ZFPM2: variants seen among roughly 807,000 people sequenced by gnomAD.
ZFPM2 encodes the protein zinc finger protein, FOG family member 2, also known as zinc finger protein ZFPM2.
In ZFPM2, 20 loss-of-function variants were observed where a neutral mutation model predicts 98.6. That is an observed-to-expected ratio of 0.20 (90% CI 0.14 to 0.29). ZFPM2 has a LOEUF of 0.29. Among genes scored for constraint, ZFPM2 ranks in the 10% least tolerant of loss-of-function variants. ZFPM2 has a pLI of 1.00. For synonymous variants in ZFPM2, 518 were observed against 502.7 expected (o/e 1.03, Z -0.41); for missense variants, 1,310 against 1,388.6 (o/e 0.94, Z 0.90).
intron 4 of ZFPM2, among the ~76,000 whole-genome samples, 194 bp from the exon 5 acceptor site, chr8:105,634,052 C>G (rs1223802649): frequency 6.6e-6 from 1 of 151,692 alleles, no homozygotes; most frequent in Non-Finnish European, 1.5e-5. Context: ...TTCTACCATT[C>G]AGATTAGTGA....
At chr8:105,379,661 G>C (rs1471934924) in intron 1 of ZFPM2, among the ~76,000 whole-genome samples, 1 of 151,278 alleles carries the variant, frequency 6.6e-6, no homozygotes, top group African/African-American at 2.4e-5. Context: ...GCTGAGGCGA[G>C]AGAATTACTT....
At chr8:105,332,983 A>G (rs1481421241) in intron 1 of ZFPM2, among the ~76,000 whole-genome samples, 2 of 151,740 alleles carry the variant, frequency 1.3e-5, no homozygotes, top group African/African-American at 4.8e-5. Flanking sequence ...CTCATCCTTT[A>G]GGTAATTGAT....
chr8:105,715,080 G>A (rs755757245), intron 5 of ZFPM2, among the ~76,000 whole-genome samples: 12 of 151,982 alleles, frequency 7.9e-5, no homozygotes, highest in African/African-American at 1.9e-4. Context: ...TTTCTCAGTT[G>A]CAACCGTAGA....
At chr8:105,680,513 A>G (rs2130920087) in intron 5 of ZFPM2, among the ~76,000 whole-genome samples, 1 of 152,260 alleles carries the variant, frequency 6.6e-6, no homozygotes, top group African/African-American at 2.4e-5. Context: ...CTTCCTAATT[A>G]TGTATGTCAT....
intron 3 of ZFPM2, among the ~76,000 whole-genome samples, chr8:105,466,755 A>G (rs1318358759): frequency 6.6e-6 from 1 of 151,722 alleles, no homozygotes; most frequent in Admixed American, 6.6e-5. Context: ...AGGTGAAATG[A>G]TTTTCTAAAA....
At chr8:105,354,400 T>A (rs796208176) in intron 1 of ZFPM2, among the ~76,000 whole-genome samples, 2 of 152,248 alleles carry the variant, frequency 1.3e-5, no homozygotes, top group African/African-American at 4.8e-5. Context: ...AAGATTTAGC[T>A]GATCCATAAA....
chr8:105,443,877 TTA>T (rs1378620787), intron 2 of ZFPM2, among the ~76,000 whole-genome samples: 2 of 152,208 alleles, frequency 1.3e-5, no homozygotes, highest in Non-Finnish European at 2.9e-5. Flanking sequence ...TAAATATGTC[TTA>T]TTCTATGATA....
At chr8:105,352,294 C>T (rs1812663544) in intron 1 of ZFPM2, among the ~76,000 whole-genome samples, 2 of 152,002 alleles carry the variant, frequency 1.3e-5, no homozygotes, top group South Asian at 2.1e-4. Flanking sequence ...TTTTAAATAC[C>T]GAATTAAAAT....
intron 1 of ZFPM2, among the ~76,000 whole-genome samples, chr8:105,396,734 A>G (rs1811226959): frequency 1.3e-5 from 2 of 152,188 alleles, no homozygotes; most frequent in South Asian, 4.1e-4. Flanking sequence ...ATTCACTTGC[A>G]TTAGAATGGC....
At chr8:105,796,090 T>C in intron 6 of ZFPM2, among the ~76,000 whole-genome samples, 1 of 152,228 alleles carries the variant, frequency 6.6e-6, no homozygotes, top group Non-Finnish European at 1.5e-5. Context: ...TTACTGTGCA[T>C]TCAATCAATG....
chr8:105,421,595 G>A (rs988365325), intron 2 of ZFPM2, among the ~76,000 whole-genome samples: 1 of 152,176 alleles, frequency 6.6e-6, no homozygotes, highest in Non-Finnish European at 1.5e-5. Context: ...CATGCAAGGA[G>A]TGCTATCCAT....
At chr8:105,456,146 G>GTTTTTTTTTTTTTTTTTTTTTT (rs200639878) in intron 3 of ZFPM2, among the ~76,000 whole-genome samples, 1 of 93,284 alleles carries the variant, frequency 1.1e-5, no homozygotes, top group African/African-American at 3.3e-5. Context: ...CCAGGAAAAT[G>GTTTTTTTTTTTTTTTTTTTTTT]TTTTTTTTTG....
At chr8:105,593,895 C>T (rs778944153) in intron 4 of ZFPM2, among the ~76,000 whole-genome samples, 1 of 152,004 alleles carries the variant, frequency 6.6e-6, no homozygotes, top group Admixed American at 6.6e-5. Flanking sequence ...AAGAAATCAT[C>T]GTGGGAGAGT....
At chr8:105,339,906 G>A (rs1174248046) in intron 1 of ZFPM2, among the ~76,000 whole-genome samples, 2 of 151,930 alleles carry the variant, frequency 1.3e-5, no homozygotes, top group Non-Finnish European at 2.9e-5. Flanking sequence ...TTTCGTTAGT[G>A]CGAGAATATA....
At chr8:105,683,941 ATGT>A (rs1810671085) in intron 5 of ZFPM2, among the ~76,000 whole-genome samples, 1 of 152,130 alleles carries the variant, frequency 6.6e-6, no homozygotes, top group Non-Finnish European at 1.5e-5. Context: ...TGTCTGTTAA[ATGT>A]TGTTGAATGA....
intron 1 of ZFPM2, among the ~76,000 whole-genome samples, chr8:105,364,099 C>T (rs1404856882): frequency 6.6e-6 from 1 of 152,126 alleles, no homozygotes; most frequent in African/African-American, 2.4e-5. Flanking sequence ...AGAATTCTGA[C>T]ACTAAATGGA....
chr8:105,445,963 C>T (rs1425934276), intron 3 of ZFPM2, among the ~76,000 whole-genome samples: 1 of 151,806 alleles, frequency 6.6e-6, no homozygotes, highest in African/African-American at 2.4e-5. Flanking sequence ...CTCTGTCACC[C>T]AGGCTGGAGT....
At chr8:105,735,861 G>A (rs1246313239) in intron 5 of ZFPM2, among the ~76,000 whole-genome samples, 1 of 151,936 alleles carries the variant, frequency 6.6e-6, no homozygotes, top group African/African-American at 2.4e-5. Flanking sequence ...AAACAGCAAT[G>A]TGTAGCAAGC....
rs139683300 is a variant in ZFPM2, at chr8:105,785,825, G to A, written c.533-2893G>A. On this transcript the variant is annotated intron_variant, in intron 5 of 7. Coordinates refer to ENST00000407775, the MANE Select transcript of ZFPM2 (RefSeq NM_012082.4). ...TGGGAGGCCGAGGCGGGTGGATCAC[G>A]ATGTCAGGAGATTGAGACCATCCTG... Among the ~76,000 whole-genome samples the A allele has an allele frequency of 2.8e-3, 429 of 152,114 alleles. 1 individual carries two copies. Among genetic ancestry groups the A allele is most frequent in the South Asian group, 0.011 (53 of 4,824 alleles).
Sources: allele counts gnomAD v4.1 joint callset (sites outside exome capture counted in the v4.1 genomes callset), GRCh38; gene constraint gnomAD v4.1.1; transcripts MANE v1.5; gene names NCBI Gene and HGNC (gene_info 2026-07-23, HGNC 2026-07-21).